Variants in CCR6 observed in about 807,000 individuals in gnomAD.
The protein encoded by CCR6 is C-C chemokine receptor type 6.
CCR6 carries 2 observed loss-of-function variants against 3.0 expected under a neutral mutation model. The observed-to-expected ratio is 0.66, with a 90% confidence interval of 0.27 to 2.07. The LOEUF (loss-of-function observed/expected upper bound fraction) is 2.07. Ranked by LOEUF, CCR6 falls within the 30% of genes most tolerant of loss-of-function variation. CCR6 has a pLI of 0.14. For synonymous variants in CCR6, 193 were observed against 184.3 expected (o/e 1.05, Z -0.38); for missense variants, 322 against 462.8 (o/e 0.70, Z 2.79).
chr6:167,137,572 T>C lies in CCR6; in HGVS notation c.*217T>C. The C allele has an allele frequency of 1.9e-6, 1 of 518,992 alleles. No individual in the cohort carries two copies. The highest frequency in any genetic ancestry group is 3.4e-6 in the Non-Finnish European group (1 of 293,164). The allele number at this position is 518,992 out of a possible 1,614,324, so 32.1% of individuals were successfully genotyped here. On this transcript the variant is annotated 3_prime_UTR_variant, in exon 3 of 3. Transcript: ENST00000341935. This position sits in a 1 kb window ranked among gnomAD's most constrained non-coding sequence, Gnocchi z 4.6. Reference sequence around the variant, plus strand: ...TTTTCCAGCACTTTGCAAGGAATGTTTTGTAGCTCTAGGGTATATATCCGC... The same window carrying C: ...TTTTCCAGCACTTTGCAAGGAATGTCTTGTAGCTCTAGGGTATATATCCGC...
chr6:167,136,766 C>G lies in CCR6; in HGVS notation c.536C>G (p.Ser179Cys). 1 of 1,613,976 alleles carries G rather than the reference C, an allele frequency of 6.2e-7. No individual in the cohort carries two copies. Residue 179 changes from serine to cysteine, a missense_variant, in exon 3 of 3, where the codon TCC (serine) becomes TGC (cysteine). Transcript: ENST00000341935. The surrounding 1 kb of genome is among the most constrained non-coding windows in gnomAD (Gnocchi z 4.6). ...LVVWGLSVII[S>C]SSTFVFNQKY... Reference sequence around the variant, plus strand: ...GTGTGGGGGCTGTCAGTCATCATCTCCAGCTCAACTTTTGTCTTCAACCAA... The same window carrying G: ...GTGTGGGGGCTGTCAGTCATCATCTGCAGCTCAACTTTTGTCTTCAACCAA...
At chr6:167,124,795 G>GCT (rs111889405) in intron 1 of CCR6, among the ~76,000 whole-genome samples, 1 of 91,170 alleles carries the variant, frequency 1.1e-5, no homozygotes, top group Non-Finnish European at 2.1e-5. Flanking sequence ...TACAGCATAT[G>GCT]CGCGCACACA....
chr6:167,123,489 C>G (rs1781619106), intron 1 of CCR6, among the ~76,000 whole-genome samples: 1 of 152,210 alleles, frequency 6.6e-6, no homozygotes, highest in Non-Finnish European at 1.5e-5. Context: ...GGTACTTGCT[C>G]CTCATACAGG....
chr6:167,129,946 C>T (rs1025799716), intron 1 of CCR6, among the ~76,000 whole-genome samples: 1 of 151,774 alleles, frequency 6.6e-6, no homozygotes, highest in Non-Finnish European at 1.5e-5. Flanking sequence ...TAAAGTGTGT[C>T]ATTAGATGAC....
chr6:167,128,136 T>C (rs41414848), intron 1 of CCR6, among the ~76,000 whole-genome samples: 3,801 of 152,346 alleles, frequency 0.025, 137 homozygotes, highest in African/African-American at 0.084. Context: ...TGGGTCCAAC[T>C]AGATAATCCA....
intron 1 of CCR6, chr6:167,131,368 C>CA (rs965834632): frequency 6.6e-6 from 1 of 152,256 alleles, no homozygotes; most frequent in African/African-American, 2.4e-5. Context: ...GCCCGTTGGG[C>CA]ATCGAGTGCA....
intron 1 of CCR6, among the ~76,000 whole-genome samples, chr6:167,113,230 G>C (rs1164222652): frequency 6.6e-6 from 1 of 151,980 alleles, no homozygotes; most frequent in Admixed American, 6.6e-5. Flanking sequence ...TTCTCCCAGG[G>C]GAGACCCTCA....
chr6:167,123,408 C>A (rs2114918292), intron 1 of CCR6, among the ~76,000 whole-genome samples, 185 bp downstream of exon 1: 1 of 152,288 alleles, frequency 6.6e-6, no homozygotes, highest in Middle Eastern at 3.4e-3. Flanking sequence ...TTAGGAAGCC[C>A]ACTTTTCCTC....
At position 167,135,921 on chromosome 6, in the gene CCR6, TA is replaced by T. The variant is rs1486937877; in HGVS notation, c.-97-113del. The T allele has an allele frequency of 1.3e-5, 7 of 551,832 alleles. No individual in the cohort carries two copies. In the African/African-American group the frequency reaches 1.3e-4, roughly 11 times the overall value. The allele number at this position is 551,832 out of a possible 1,614,324, so 34.2% of individuals were successfully genotyped here. A position where few individuals can be genotyped will look rare whatever the true frequency, so the allele number is the denominator to read the frequency against. Reference sequence around the variant, plus strand: ...CCTATTCTCAATGAATATTTGTATGTAAAATAGTGTGCTGTGCACTCTGTTC... The same window carrying T: ...CCTATTCTCAATGAATATTTGTATGTAAATAGTGTGCTGTGCACTCTGTTC... On this transcript the variant is annotated intron_variant, in intron 1 of 2. Transcript: ENST00000341935.
rs996219402 is a variant in CCR6 at position 167,137,589 on chromosome 6, T to C, written c.*234T>C. 4.7e-6 allele frequency: 2 copies of C among 423,646 alleles called. No individual in the cohort carries two copies. The highest frequency in any genetic ancestry group is 4.1e-5 in the Admixed American group (1 of 24,638). 26.2% of individuals were successfully genotyped at this position (423,646 alleles called of 1,614,324 possible). A position where few individuals can be genotyped will look rare whatever the true frequency, so the allele number is the denominator to read the frequency against. On this transcript the variant is annotated 3_prime_UTR_variant, in exon 3 of 3. Coordinates refer to ENST00000341935, the MANE Select transcript of CCR6 (RefSeq NM_031409.4). The surrounding 1 kb of genome is among the most constrained non-coding windows in gnomAD (Gnocchi z 4.6). Reference sequence around the variant, plus strand: ...AGGAATGTTTTGTAGCTCTAGGGTATATATCCGCCTGGCATTTCACAAAAC... The same window carrying C: ...AGGAATGTTTTGTAGCTCTAGGGTACATATCCGCCTGGCATTTCACAAAAC...
chr6:167,136,560 G>A lies in CCR6; in HGVS notation c.330G>A (p.Ala110=), dbSNP rs369997005. 4.2e-5 allele frequency: 68 copies of A among 1,603,984 alleles called. No homozygotes were observed. The South Asian group carries it at 5.8e-4, about 14-fold the overall frequency. ...PFWAVSHATG[A]WVFSNATCKL... ...GGGCAGTGAGTCATGCCACCGGTGC[G>A]TGGGTTTTCAGCAATGCCACGTGCA... Residue 110 remains alanine (A), a synonymous_variant, in exon 3 of 3, where the codon GCG becomes GCA. Transcript: ENST00000341935. The surrounding 1 kb of genome is among the most constrained non-coding windows in gnomAD (Gnocchi z 4.6).
chr6:167,128,725 C>G (rs1781709352), intron 1 of CCR6, among the ~76,000 whole-genome samples: 1 of 152,150 alleles, frequency 6.6e-6, no homozygotes, highest in Admixed American at 6.5e-5. Context: ...ATGTGTGCCA[C>G]CACACCCAGC....
intron 1 of CCR6, among the ~76,000 whole-genome samples, chr6:167,131,000 T>C (rs5014889): frequency 0.44 from 50,135 of 115,188 alleles, 11,080 homozygotes; most frequent in African/African-American, 0.47. Flanking sequence ...CCCCCTCCCT[T>C]TGGGACCCCT....
chr6:167,136,714 C>T lies in CCR6; in HGVS notation c.484C>T (p.Pro162Ser), dbSNP rs555430497. The T allele has an allele frequency of 3.1e-6, 5 of 1,614,116 alleles. No homozygotes were observed. In the African/African-American group the frequency reaches 5.3e-5, roughly 17 times the overall value. Residue 162 changes from proline (P) to serine (S), a missense_variant, in exon 3 of 3, where the codon CCG becomes TCG. Transcript: ENST00000341935. This position sits in a 1 kb window ranked among gnomAD's most constrained non-coding sequence, Gnocchi z 4.6. ...ATTCCGGCTCCGATCCAGAACACTACCGCGCAGCAAAATCATCTGCCTTGT... is the reference window on the plus strand; with the variant it reads ...ATTCCGGCTCCGATCCAGAACACTATCGCGCAGCAAAATCATCTGCCTTGT... ...KSFRLRSRTL[P>S]RSKIICLVVW...
intron 1 of CCR6, among the ~76,000 whole-genome samples, chr6:167,131,016 TG>T (rs1376356082): frequency 6.2e-4 from 65 of 104,418 alleles, no homozygotes; most frequent in African/African-American, 3.2e-3. Context: ...CCCCTCCTTC[TG>T]GGACCCCCAT....
At chr6:167,116,595 G>A (rs1781496441) in intron 1 of CCR6, 1 of 152,424 alleles carries the variant, frequency 6.6e-6, no homozygotes. Context: ...TCTCCCTGCA[G>A]GCACCCTTCA....
At position 167,138,189 on chromosome 6, in the gene CCR6, G is replaced by A. The variant is rs1272857199; in HGVS notation, c.*834G>A. ...CACAGCTGTGCTCTGAGTGCCTAGC[G>A]GAGTTCCAGCAAACAAAATGGACTC... On this transcript the variant is annotated 3_prime_UTR_variant, in exon 3 of 3. Transcript: ENST00000341935. The A allele has an allele frequency of 2.6e-5, 4 of 152,250 alleles. No individual in the cohort carries two copies. Among genetic ancestry groups the A allele is most frequent in the Admixed American group, 6.5e-5 (1 of 15,276 alleles). The allele number at this position is 152,250 out of a possible 1,614,324, so 9.4% of individuals were successfully genotyped here.
Position 167,136,743 on chromosome 6 carries a change from G to A in CCR6, c.513G>A (p.Val171=), listed in dbSNP as rs950405535. ...GCAGCAAAATCATCTGCCTTGTTGTGTGGGGGCTGTCAGTCATCATCTCCA... is the reference window on the plus strand; with the variant it reads ...GCAGCAAAATCATCTGCCTTGTTGTATGGGGGCTGTCAGTCATCATCTCCA... ...LPRSKIICLV[V]WGLSVIISSS... Residue 171 remains valine, a synonymous_variant, in exon 3 of 3, where the codon GTG becomes GTA. Coordinates refer to ENST00000341935, the MANE Select transcript of CCR6 (RefSeq NM_031409.4). This position sits in a 1 kb window ranked among gnomAD's most constrained non-coding sequence, Gnocchi z 4.6. 1.2e-6 allele frequency: 2 copies of A among 1,613,838 alleles called. No individual in the cohort carries two copies. The highest frequency in any genetic ancestry group is 2.7e-5 in the African/African-American group (2 of 74,896).
chr6:167,133,932 G>GTGTATATATATATATATATA lies in CCR6; in HGVS notation c.-97-2105_-97-2104insGTATATATATATATATATAT, dbSNP rs1183741225. Among the ~76,000 whole-genome samples the GTGTATATATATATATATATA allele has an allele frequency of 8.6e-3, 948 of 110,248 alleles. 133 individuals are homozygous for GTGTATATATATATATATATA. The highest frequency in any genetic ancestry group is 0.011 in the Non-Finnish European group (660 of 57,598). The allele number at this position is 110,248 out of a possible 152,430, so 72.3% of individuals were successfully genotyped here. On this transcript the variant is annotated intron_variant, in intron 1 of 2. Transcript: ENST00000341935. Reference sequence around the variant, plus strand: ...ATACTATTATATATGATATATGTGTGTATATATATATATATATATATATAT... The same window carrying GTGTATATATATATATATATA: ...ATACTATTATATATGATATATGTGTGTGTATATATATATATATATATATATATATATATATATATATATAT...
Sources: gnomAD v4.1 joint callset for allele counts (sites outside exome capture counted in the v4.1 genomes callset) on GRCh38, gnomAD v4.1.1 for gene constraint, Gnocchi (gnomAD v3.1) non-coding constraint, MANE v1.5 for transcripts, NCBI Gene and HGNC (gene_info 2026-07-23, HGNC 2026-07-21) for gene names.